The following VILL variants were observed in gnomAD, a reference collection of about 807,000 sequenced individuals.
VILL encodes the protein villin-like protein.
VILL carries 102 observed loss-of-function variants against 106.3 expected under a neutral mutation model. The observed-to-expected ratio is 0.96, with a 90% CI of 0.82 to 1.13. The LOEUF (loss-of-function observed/expected upper bound fraction) is 1.13, where lower values mean the gene tolerates loss of function less well. Among genes scored for constraint, VILL ranks in the 50% most tolerant of loss-of-function variants. The probability of loss-of-function intolerance (pLI) is 0.00; values close to 1 mark genes in which losing one functional copy is unlikely to be tolerated. For synonymous variants in VILL, 431 were observed against 440.3 expected (o/e 0.98, Z 0.27); for missense variants, 1,076 against 1,116.6 (o/e 0.96, Z 0.52).
chr3:37,995,674 G>GTT, intron 4 of VILL, 65 bp from the exon 5 acceptor site: 5 of 1,356,126 alleles, frequency 3.7e-6, no homozygotes, highest in Non-Finnish European at 5.3e-6. Flanking sequence ...AGTCATTCAT[G>GTT]CACATGGCAG....
chr3:37,988,838 G>A (rs569728479), upstream of VILL, among the ~76,000 whole-genome samples: 4 of 152,078 alleles, frequency 2.6e-5, no homozygotes, highest in Non-Finnish European at 2.9e-5. Flanking sequence ...CTCCAGCCTC[G>A]GCAACAAGAG....
chr3:38,002,987 T>A, intron 14 of VILL, 181 bp from the exon 15 acceptor site: 1 of 776,206 alleles, frequency 1.3e-6, no homozygotes, highest in Non-Finnish European at 2.0e-6. Flanking sequence ...GCGATCCAGA[T>A]CAACTGGGGA....
In VILL at chr3:38,002,403, C is replaced by A. The variant is rs1444467983; in HGVS notation, c.1487C>A (p.Ala496Asp). The A allele has an allele frequency of 6.2e-7, 1 of 1,611,332 alleles. No individual in the cohort carries two copies. Residue 496 changes from alanine (A) to aspartate (D), a missense_variant, in exon 14 of 20, where the codon GCT becomes GAT. Transcript: ENST00000383759. ...GGCCTTGCTCTCCTATAGGAGAGAG[C>A]TGGGCACCATGGAAAGGGGCAGTCA... ...QGQLVIFQER[A>D]GHHGKGQSAS...
intron 4 of VILL, 79 bp from the exon 5 acceptor site, chr3:37,995,660 C>T (rs902973223): frequency 1.7e-6 from 2 of 1,193,994 alleles, no homozygotes; most frequent in African/African-American, 3.0e-5. Context: ...GTGCTCACAT[C>T]TGCAGTCATT....
Position 38,006,572 on chromosome 3 carries a change from G to A in VILL, c.2329G>A (p.Ala777Thr). 1 of 1,614,130 alleles carries A rather than the reference G, an allele frequency of 6.2e-7. No homozygotes were observed. The highest frequency in any genetic ancestry group is 8.5e-7 in the Non-Finnish European group (1 of 1,180,036). ...ENDLVRSPKS[A>T]GSRTSSSVSS... is the part of the protein sequence containing the mutation. ...TGATCTGGTGCGAAGCCCCAAGTCG[G>A]CTGGCAGCAGAACCAGCAGCTCCGT... Residue 777 changes from alanine (A) to threonine (T), a missense_variant, in exon 19 of 20, where the codon GCT becomes ACT. Physicochemically the swap from Ala to Thr is moderately conservative, Grantham distance 58. Coordinates refer to ENST00000383759, the MANE Select transcript of VILL (RefSeq NM_015873.4).
chr3:37,995,902 C>A, intron 5 of VILL, 55 bp downstream of exon 5: 1 of 1,475,202 alleles, frequency 6.8e-7, no homozygotes, highest in Non-Finnish European at 9.4e-7. Flanking sequence ...ACTGGGTGTA[C>A]TGAGGTATAA....
Position 37,994,457 on chromosome 3 carries a change from C to A in VILL, c.332C>A (p.Pro111Gln). The A allele has an allele frequency of 2.5e-6, 4 of 1,612,230 alleles. No homozygotes were observed. Among genetic ancestry groups the A allele is most frequent in the Non-Finnish European group, 3.4e-6 (4 of 1,179,728 alleles). The change falls in exon 4 of 20, where the codon CCG becomes CAG. Residue 111 changes from proline (P) to glutamine (Q), a missense_variant. Physicochemically the swap from Pro to Gln is moderately conservative, Grantham distance 76 (BLOSUM62 -1). Coordinates refer to ENST00000383759, the MANE Select transcript of VILL (RefSeq NM_015873.4). ...ESDCFCSYFR[P>Q]GIIYRKGGLA... ...GACTGCTTCTGCAGCTACTTCCGCC[C>A]GGGAATCATGTGAGTGCGGGGGCGA...
At chr3:37,992,321 C>T (rs1699621992) in intron 1 of VILL, among the ~76,000 whole-genome samples, 1 of 152,152 alleles carries the variant, frequency 6.6e-6, no homozygotes, top group Non-Finnish European at 1.5e-5. Context: ...ACCCAATGTC[C>T]TCACGTTTTC....
Position 37,997,147 on chromosome 3 carries a change from A to C in VILL, c.521A>C (p.Gln174Pro), listed in dbSNP as rs751688215. 1.9e-6 allele frequency: 3 copies of C among 1,614,024 alleles called. No individual in the cohort carries two copies. Among genetic ancestry groups the C allele is most frequent in the Non-Finnish European group, 2.5e-6 (3 of 1,180,014 alleles). The change falls in exon 6 of 20, where the codon CAG becomes CCG. Residue 174 changes from glutamine (Q) to proline (P), a missense_variant. Transcript: ENST00000383759. This position sits in a 1 kb window ranked among gnomAD's most constrained non-coding sequence, Gnocchi z 4.7. The part of the protein sequence containing the change: ...FLLDLGKMMI[Q>P]WNGPKTSISE... The stretch of plus-strand genomic sequence containing the variant: ...CTGGACCTAGGCAAGATGATGATTC[A>C]GTGGAATGGGCCCAAGACCAGCATT...
intron 16 of VILL, 119 bp downstream of exon 16, chr3:38,004,518 C>A: frequency 7.4e-7 from 1 of 1,350,792 alleles, no homozygotes; most frequent in South Asian, 1.4e-5. Context: ...GTGAGTCTGA[C>A]CCTGTCACTG....
rs539743955 is a variant in VILL at position 38,005,581 on chromosome 3, T to C, written c.1951-211T>C. Among the ~76,000 whole-genome samples the C allele has an allele frequency of 4.6e-5, 7 of 152,282 alleles. No individual in the cohort carries two copies. The East Asian group carries it at 1.4e-3, about 29-fold the overall frequency. ...TGCAAGAAAAAAAAAATGTGTGGAT[T>C]GAACGTGTGTGTGCATGTATGCATG... On this transcript the variant is annotated intron_variant, in intron 16 of 19. Transcript: ENST00000383759.
chr3:38,006,250 G>A lies in VILL; in HGVS notation c.2203G>A (p.Ala735Thr). The A allele has an allele frequency of 6.2e-7, 1 of 1,614,226 alleles. No homozygotes were observed. The highest frequency in any genetic ancestry group is 8.5e-7 in the Non-Finnish European group (1 of 1,180,038). ...AAASTISEITAEVNNLRLSRW... is the reference protein window; with the variant it reads ...AAASTISEITTEVNNLRLSRW... Reference sequence around the variant, plus strand: ...AGCATCAACCATCTCTGAGATAACAGCAGTGAGTCCTGGGGCCCCTAGCCT... The same window carrying A: ...AGCATCAACCATCTCTGAGATAACAACAGTGAGTCCTGGGGCCCCTAGCCT... Residue 735 changes from alanine (A) to threonine (T), a missense_variant and splice_region_variant, in exon 18 of 20, where the codon GCA becomes ACA. Physicochemically the swap from Ala to Thr is moderately conservative, Grantham distance 58. Transcript: ENST00000383759.
chr3:38,004,957 G>A (rs971618536), intron 16 of VILL, among the ~76,000 whole-genome samples: 5 of 152,180 alleles, frequency 3.3e-5, no homozygotes, highest in African/African-American at 4.8e-5. Flanking sequence ...CTGTGTTTCT[G>A]CGCACAGTGG....
At chr3:37,993,101 A>G (rs1699632987) in intron 1 of VILL, among the ~76,000 whole-genome samples, 1 of 152,236 alleles carries the variant, frequency 6.6e-6, no homozygotes. Context: ...AAGTGCCAAG[A>G]CATAACAAAA....
At position 37,997,788 on chromosome 3, in the gene VILL, G is replaced by A. The variant is rs890175775; in HGVS notation, c.764+103G>A. 7.6e-7 allele frequency: 1 copy of A among 1,319,058 alleles called. No homozygotes were observed. Among genetic ancestry groups the A allele is most frequent in the Non-Finnish European group, 1.0e-6 (1 of 970,288 alleles). The allele number at this position is 1,319,058 out of a possible 1,614,324, so 81.7% of individuals were successfully genotyped here. On this transcript the variant is annotated intron_variant, in intron 7 of 19. Coordinates refer to ENST00000383759, the MANE Select transcript of VILL (RefSeq NM_015873.4). The surrounding 1 kb of genome is among the most constrained non-coding windows in gnomAD (Gnocchi z 4.7). ...ATCTCTAGAAGGCCCTCCAGCAAAGGCTGCTGGGTTTCTGGGACAGGTCAT... is the reference window on the plus strand; with the variant it reads ...ATCTCTAGAAGGCCCTCCAGCAAAGACTGCTGGGTTTCTGGGACAGGTCAT...
chr3:37,998,661 GCT>G lies in VILL; in HGVS notation c.943-244_943-243del, dbSNP rs1001667941. On this transcript the variant is annotated intron_variant, in intron 9 of 19. Transcript: ENST00000383759. This position sits in a 1 kb window ranked among gnomAD's most constrained non-coding sequence, Gnocchi z 4.1. ...AGGGTGGGGCTGGGGAGGAGACAGG[GCT>G]CTCTCTGTCTGGGGTCCGTGAGGGT... Among the ~76,000 whole-genome samples, 3 of 152,254 alleles carry G rather than the reference GCT, an allele frequency of 2.0e-5. No individual in the cohort carries two copies. Among genetic ancestry groups the G allele is most frequent in the African/African-American group, 4.8e-5 (2 of 41,556 alleles).
upstream of VILL, among the ~76,000 whole-genome samples, chr3:37,988,463 G>A (rs1216008340): frequency 2.6e-5 from 4 of 152,250 alleles, no homozygotes; most frequent in African/African-American, 9.6e-5. Context: ...TTTAATGGGT[G>A]CAGAGTTGCA....
chr3:38,004,616 T>C (rs1047913710), intron 16 of VILL, among the ~76,000 whole-genome samples: 2 of 152,176 alleles, frequency 1.3e-5, no homozygotes, highest in African/African-American at 4.8e-5. Context: ...TAGGAGTGTG[T>C]TGGAACTCAG....
At chr3:37,995,414 G>A (rs1699682888) in intron 4 of VILL, among the ~76,000 whole-genome samples, 1 of 152,178 alleles carries the variant, frequency 6.6e-6, no homozygotes, top group South Asian at 2.1e-4. Flanking sequence ...CATATATGCT[G>A]TTGCCCACCT....
Sources: gnomAD v4.1 joint callset for allele counts (sites outside exome capture counted in the v4.1 genomes callset) on GRCh38, gnomAD v4.1.1 for gene constraint, Gnocchi (gnomAD v3.1) non-coding constraint, MANE v1.5 for transcripts, NCBI Gene and HGNC (gene_info 2026-07-23, HGNC 2026-07-21) for gene names.